The following STARD13 variants were observed in gnomAD, a reference collection of about 807,000 sequenced individuals.
STARD13 encodes stAR-related lipid transfer protein 13.
STARD13 carries 62 observed loss-of-function variants against 106.4 expected under a neutral mutation model. The ratio of observed to expected loss-of-function variants is 0.58; its 90% CI spans 0.48 to 0.72. The LOEUF is 0.72. STARD13 is among the 30% of genes least tolerant of loss of function. The pLI is 0.00. For missense variants in STARD13, 1,387 were observed against 1,424.0 expected (o/e 0.97, Z 0.42); for synonymous variants, 565 against 553.0 (o/e 1.02, Z -0.31).
the STARD13 span, among the ~76,000 whole-genome samples, chr13:33,532,871 G>T: frequency 6.6e-6 from 1 of 152,090 alleles, no homozygotes; most frequent in Admixed American, 6.5e-5. Flanking sequence ...ACACAAAACT[G>T]GGTCAAGGAA....
chr13:33,295,758 T>C (rs892598274), intron 1 of STARD13, among the ~76,000 whole-genome samples: 1 of 152,106 alleles, frequency 6.6e-6, no homozygotes, highest in African/African-American at 2.4e-5. Context: ...GTATTCTGCA[T>C]GGCAGAAAGG....
intron 1 of STARD13, among the ~76,000 whole-genome samples, chr13:33,339,726 AT>A (rs1284325966): frequency 6.6e-6 from 1 of 152,176 alleles, no homozygotes; most frequent in Admixed American, 6.5e-5. Context: ...TTTTTGACTT[AT>A]GTTCATTGTA....
At chr13:33,461,915 C>T in the STARD13 span, among the ~76,000 whole-genome samples, 8 of 152,170 alleles carry the variant, frequency 5.3e-5, no homozygotes, top group African/African-American at 1.9e-4. Flanking sequence ...TAGCAGCAAT[C>T]TCCACATAGT....
At chr13:33,441,498 A>G in the STARD13 span, among the ~76,000 whole-genome samples, 1 of 152,184 alleles carries the variant, frequency 6.6e-6, no homozygotes, top group African/African-American at 2.4e-5. Context: ...TCTAAGCCTC[A>G]TTTCCTCATC....
the STARD13 span, among the ~76,000 whole-genome samples, chr13:33,663,698 A>G: frequency 6.6e-6 from 1 of 152,202 alleles, no homozygotes; most frequent in Non-Finnish European, 1.5e-5. Context: ...ACATTGCCCA[A>G]GTGTTCTACG....
At chr13:33,582,139 G>T in the STARD13 span, among the ~76,000 whole-genome samples, 6 of 151,472 alleles carry the variant, frequency 4.0e-5, no homozygotes, top group Non-Finnish European at 8.8e-5. Context: ...GGAGAATGGC[G>T]TGAACCCAGC....
the STARD13 span, among the ~76,000 whole-genome samples, chr13:33,605,260 G>T: frequency 6.8e-6 from 1 of 147,136 alleles, no homozygotes; most frequent in African/African-American, 2.5e-5. Flanking sequence ...AAAAAAAGAA[G>T]AAAAAGATAA....
At chr13:33,266,276 C>T (rs56198218) in intron 1 of STARD13, among the ~76,000 whole-genome samples, 34,597 of 152,200 alleles carry the variant, frequency 0.23, 4,680 homozygotes, top group African/African-American at 0.38. Flanking sequence ...CTGAGGATTA[C>T]ATGACATAAT....
the STARD13 span, among the ~76,000 whole-genome samples, chr13:33,408,161 C>A: frequency 1.3e-5 from 2 of 152,038 alleles, no homozygotes; most frequent in Non-Finnish European, 2.9e-5. Flanking sequence ...ATTGTGGTAA[C>A]TACGCATAAC....
intron 7 of STARD13, among the ~76,000 whole-genome samples, chr13:33,121,963 A>T (rs574453141): frequency 6.6e-5 from 10 of 152,020 alleles, no homozygotes; most frequent in Admixed American, 3.3e-4. Context: ...CTCCTGCCTC[A>T]GCCCCCTGAG....
At position 33,159,494 on chromosome 13, in the gene STARD13, A is replaced by C. The variant is rs186249819; in HGVS notation, c.323+5843T>G. Reference sequence around the variant, plus strand: ...CTAAGCCACCTATATCATCCTGTAAATAGAACTGCATAATCAGAGACAATC... The same window carrying C: ...CTAAGCCACCTATATCATCCTGTAACTAGAACTGCATAATCAGAGACAATC... On this transcript the variant is annotated intron_variant, in intron 3 of 13. Coordinates refer to ENST00000336934, the MANE Select transcript of STARD13 (RefSeq NM_178006.4). 6.8e-4 allele frequency among the ~76,000 whole-genome samples: 103 copies of C among 152,356 alleles called. 2 individuals carry two copies. The highest frequency in any genetic ancestry group is 2.4e-3 in the African/African-American group (99 of 41,584).
intron 1 of STARD13, among the ~76,000 whole-genome samples, chr13:33,270,947 T>C (rs1188725352): frequency 6.6e-6 from 1 of 152,128 alleles, no homozygotes; most frequent in Non-Finnish European, 1.5e-5. Flanking sequence ...AAAATTCCCT[T>C]CCCTGCACAC....
chr13:33,154,229 G>A (rs1280959147), intron 3 of STARD13, among the ~76,000 whole-genome samples: 2 of 152,270 alleles, frequency 1.3e-5, no homozygotes, highest in South Asian at 2.1e-4. Flanking sequence ...GTCAGCAGGT[G>A]GTGTCACCGT....
chr13:33,109,086 G>A (rs1874156035), intron 12 of STARD13, among the ~76,000 whole-genome samples: 2 of 152,280 alleles, frequency 1.3e-5, no homozygotes, highest in African/African-American at 4.8e-5. Context: ...ATATACATTT[G>A]GGAGTTTCAC....
the STARD13 span, among the ~76,000 whole-genome samples, chr13:33,662,554 A>G: frequency 6.6e-6 from 1 of 152,210 alleles, no homozygotes; most frequent in African/African-American, 2.4e-5. Flanking sequence ...ACTCTCCACA[A>G]ATCAAACCCT....
the STARD13 span, among the ~76,000 whole-genome samples, chr13:33,362,354 G>A: frequency 1.3e-5 from 2 of 152,054 alleles, no homozygotes; most frequent in African/African-American, 2.4e-5. Flanking sequence ...TGAGTGATCC[G>A]TCCCCGTGAT....
chr13:33,625,433 GGTGGCACACGCCT>G, the STARD13 span, among the ~76,000 whole-genome samples: 8 of 151,960 alleles, frequency 5.3e-5, no homozygotes, highest in Admixed American at 6.5e-5. Flanking sequence ...AGCTGGGTGT[GGTGGCACACGCCT>G]GTAGTCCCAG....
chr13:33,325,408 G>GA (rs2077762672), intron 1 of STARD13, among the ~76,000 whole-genome samples: 1 of 151,954 alleles, frequency 6.6e-6, no homozygotes, highest in South Asian at 2.1e-4. Flanking sequence ...ACACAGAGAG[G>GA]AAAAAAATGA....
At chr13:33,463,761 C>T in the STARD13 span, among the ~76,000 whole-genome samples, 1 of 152,034 alleles carries the variant, frequency 6.6e-6, no homozygotes, top group Non-Finnish European at 1.5e-5. Context: ...TGCCTGTAAT[C>T]CCAGCACTTT....
Sources: gnomAD v4.1 joint callset for allele counts (sites outside exome capture counted in the v4.1 genomes callset) on GRCh38, gnomAD v4.1.1 for gene constraint, MANE v1.5 for transcripts, NCBI Gene and HGNC (gene_info 2026-07-23, HGNC 2026-07-21) for gene names.